NAV1: variants seen among roughly 807,000 people sequenced by gnomAD.
NAV1 encodes the protein pore membrane and/or filament interacting like protein 3.
NAV1 carries 18 observed loss-of-function variants against 175.2 expected under a neutral mutation model. That is an observed-to-expected ratio of 0.10 (90% CI 0.07 to 0.15). The LOEUF (loss-of-function observed/expected upper bound fraction) is 0.15, where lower values mean the gene tolerates loss of function less well. Ranked by LOEUF, NAV1 falls within the 10% of genes least tolerant of loss-of-function variation. The pLI is 1.00. For missense variants in NAV1, 1,731 were observed against 2,436.6 expected (o/e 0.71, Z 6.10); for synonymous variants, 897 against 978.7 (o/e 0.92, Z 1.56).
chr1:201,651,122 C>CGTGTGT (rs60462710), intron 1 of NAV1, among the ~76,000 whole-genome samples: 7,787 of 128,994 alleles, frequency 0.06, 452 homozygotes, highest in African/African-American at 0.12. Flanking sequence ...AGGAAGGGAC[C>CGTGTGT]GTGTGTGTGT....
chr1:201,566,168 C>T (rs1165021930), intron 1 of NAV1, among the ~76,000 whole-genome samples: 2 of 152,190 alleles, frequency 1.3e-5, no homozygotes, highest in African/African-American at 4.8e-5. Context: ...GTGACGCTTG[C>T]CCACCTCTTT....
At chr1:201,749,583 C>T (rs1343032169) in intron 3 of NAV1, among the ~76,000 whole-genome samples, 1 of 152,214 alleles carries the variant, frequency 6.6e-6, no homozygotes, top group Non-Finnish European at 1.5e-5. Context: ...GCTCCCAAAC[C>T]TGTTTATGCC....
chr1:201,648,423 C>T, exon 1 of NAV1: 1 of 1,223,370 alleles, frequency 8.2e-7, no homozygotes, highest in African/African-American at 1.6e-5. Context: ...CCCTATCGCT[C>T]CCCGGCTTCC....
intron 1 of NAV1, among the ~76,000 whole-genome samples, chr1:201,692,653 C>G (rs987038095): frequency 1.3e-5 from 2 of 152,156 alleles, no homozygotes; most frequent in African/African-American, 4.8e-5. Flanking sequence ...GACAAAGGCT[C>G]ACATATGTGA....
In NAV1 at chr1:201,699,053, C is replaced by T. The variant is rs188708149; in HGVS notation, c.758-13764C>T. ...ACAAGACAGGGATGCCCTCTCTCAC[C>T]GCTCCTATTCAACATAGTGTTGGAA... is the stretch of plus-strand genomic sequence containing the variant. On this transcript the variant is annotated intron_variant, in intron 1 of 29. Transcript: ENST00000367296. Among the ~76,000 whole-genome samples, 41 of 152,316 alleles carry T rather than the reference C, an allele frequency of 2.7e-4. 1 individual carries two copies. In the East Asian group the frequency reaches 6.2e-3, roughly 23 times the overall value.
chr1:201,794,362 A>G, intron 14 of NAV1, 104 bp from the exon 19 acceptor site: 1 of 1,039,698 alleles, frequency 9.6e-7, no homozygotes, highest in Non-Finnish European at 1.5e-6. Flanking sequence ...GCTGGTCTTG[A>G]ACTCCTGACC....
chr1:201,603,623 C>T (rs1020449473), intron 2 of NAV1, among the ~76,000 whole-genome samples: 5 of 152,306 alleles, frequency 3.3e-5, no homozygotes, highest in African/African-American at 1.2e-4. Flanking sequence ...TATCACTGAA[C>T]CCTTCCCTTC....
chr1:201,718,847 G>A lies in NAV1; in HGVS notation c.1226+92G>A. 6 of 1,497,000 alleles carry A rather than the reference G, an allele frequency of 4.0e-6. No individual in the cohort carries two copies. The highest frequency in any genetic ancestry group is 5.4e-6 in the Non-Finnish European group (6 of 1,107,002). 92.7% of individuals were successfully genotyped at this position (1,497,000 alleles called of 1,614,324 possible). A position where few individuals can be genotyped will look rare whatever the true frequency, so the allele number is the denominator to read the frequency against. On this transcript the variant is annotated intron_variant, in intron 3 of 29. Transcript: ENST00000367296. This position sits in a 1 kb window ranked among gnomAD's most constrained non-coding sequence, Gnocchi z 4.8. ...AAAAGTGGAGTGGAACCCAAAACGG[G>A]TTTTGGTTTGCTGTGCTGCTATGAA...
At chr1:201,627,501 G>A (rs1370506023) in intron 1 of NAV1, among the ~76,000 whole-genome samples, 1 of 151,678 alleles carries the variant, frequency 6.6e-6, no homozygotes, top group African/African-American at 2.4e-5. Context: ...TCAAACTCCT[G>A]ACTTCAAGTG....
At position 201,808,895 on chromosome 1, in the gene NAV1, A is replaced by G. The variant is rs1678500990; in HGVS notation, c.4207+24A>G. ...AGGTACCTGTGTGGGAGAAGAATCTATAAGGGTGAAGGGAAGAAAAGGGCT... is the reference window on the plus strand; with the variant it reads ...AGGTACCTGTGTGGGAGAAGAATCTGTAAGGGTGAAGGGAAGAAAAGGGCT... On this transcript the variant is annotated intron_variant, in intron 20 of 29. Transcript: ENST00000367296. This position sits in a 1 kb window ranked among gnomAD's most constrained non-coding sequence, Gnocchi z 5.5. The G allele has an allele frequency of 6.2e-7, 1 of 1,600,406 alleles. No homozygotes were observed. The highest frequency in any genetic ancestry group is 1.3e-5 in the African/African-American group (1 of 74,660).
chr1:201,602,610 G>A (rs1453763753), intron 2 of NAV1, among the ~76,000 whole-genome samples: 2 of 150,212 alleles, frequency 1.3e-5, no homozygotes, highest in African/African-American at 2.5e-5. Flanking sequence ...TTACAGGCTT[G>A]AGCCACTGCA....
intron 2 of NAV1, among the ~76,000 whole-genome samples, chr1:201,642,167 C>CCCTTCCTTCCTTCCTT (rs1553246977): frequency 1.7e-5 from 2 of 116,446 alleles, no homozygotes; most frequent in African/African-American, 7.2e-5. Context: ...TCTCTCCCCT[C>CCCTTCCTTCCTTCCTT]CCTTCCTTCC....
At chr1:201,671,991 T>G (rs1308324052) in intron 1 of NAV1, among the ~76,000 whole-genome samples, 1 of 152,160 alleles carries the variant, frequency 6.6e-6, no homozygotes, top group Non-Finnish European at 1.5e-5. Context: ...CCACTCCCAC[T>G]CTATCAGCAG....
At chr1:201,786,781 C>T (rs1458202697) in intron 9 of NAV1, among the ~76,000 whole-genome samples, 1 of 152,190 alleles carries the variant, frequency 6.6e-6, no homozygotes, top group Non-Finnish European at 1.5e-5. Context: ...TGCCCCTAGG[C>T]ACAAGTTGTA....
At chr1:201,542,985 A>G (rs1434610014) in intron 1 of NAV1, among the ~76,000 whole-genome samples, 2 of 152,092 alleles carry the variant, frequency 1.3e-5, no homozygotes, top group East Asian at 1.9e-4. Flanking sequence ...TGTCCCTTGC[A>G]ATTTTGCTGA....
At chr1:201,540,221 A>G (rs1455587034) in intron 1 of NAV1, among the ~76,000 whole-genome samples, 2 of 152,200 alleles carry the variant, frequency 1.3e-5, no homozygotes, top group Admixed American at 6.5e-5. Context: ...CTGGAGCCGA[A>G]CACAGGAAAA....
intron 2 of NAV1, among the ~76,000 whole-genome samples, chr1:201,714,419 C>T (rs561404585): frequency 5.3e-5 from 8 of 152,212 alleles, no homozygotes; most frequent in South Asian, 4.1e-4. Context: ...TCCCAGACAT[C>T]TCGAGTATTT....
upstream of NAV1, among the ~76,000 whole-genome samples, chr1:201,622,511 G>A (rs982730421): frequency 6.6e-5 from 10 of 152,196 alleles, no homozygotes; most frequent in Admixed American, 2.6e-4. Flanking sequence ...CTGAGGGGGA[G>A]GAGCTGTGAG....
At chr1:201,654,274 A>T (rs538568501) in intron 1 of NAV1, among the ~76,000 whole-genome samples, 2 of 152,248 alleles carry the variant, frequency 1.3e-5, no homozygotes, top group East Asian at 3.9e-4. Flanking sequence ...CCTGCATTGA[A>T]TGGGTAGCAG....
Sources: gnomAD v4.1 joint callset for allele counts (sites outside exome capture counted in the v4.1 genomes callset) on GRCh38, gnomAD v4.1.1 for gene constraint, Gnocchi (gnomAD v3.1) non-coding constraint, MANE v1.5 for transcripts, NCBI Gene and HGNC (gene_info 2026-07-23, HGNC 2026-07-21) for gene names.